Variants in ADCY1 observed in about 807,000 individuals in gnomAD.
The protein encoded by ADCY1 is adenylate cyclase 1, also known as adenylate cyclase type 1.
Under a neutral mutation model 105.4 loss-of-function variants are expected in ADCY1, and 28 were observed. The observed-to-expected ratio is 0.27, with a 90% CI of 0.20 to 0.36. ADCY1 has a LOEUF of 0.36. Among genes scored for constraint, ADCY1 ranks in the 10% least tolerant of loss-of-function variants. The pLI is 1.00. For synonymous variants in ADCY1, 655 were observed against 623.8 expected, an observed-to-expected ratio of 1.05 and a Z score of -0.75; for missense variants, 977 against 1,434.2, an observed-to-expected ratio of 0.68 and a Z score of 5.15.
In ADCY1 at chr7:45,686,300, G is replaced by C. The variant is rs1584331397; in HGVS notation, c.2327+85G>C. On this transcript the variant is annotated intron_variant, in intron 13 of 19. Coordinates refer to ENST00000297323, the MANE Select transcript of ADCY1 (RefSeq NM_021116.4). The surrounding 1 kb of genome is among the most constrained non-coding windows in gnomAD (Gnocchi z 4.3). ...ACAGATATGCACTACAGGCTTCTGA[G>C]TCCAGAACTAGTCAAGTTGAATTGT... 3.3e-6 allele frequency: 5 copies of C among 1,521,844 alleles called. No homozygotes were observed. The East Asian group carries it at 1.1e-4, about 35-fold the overall frequency. The allele number at this position is 1,521,844 out of a possible 1,614,324, so 94.3% of individuals were successfully genotyped here. A position where few individuals can be genotyped will look rare whatever the true frequency, so the allele number is the denominator to read the frequency against.
At chr7:45,655,241 C>T (rs1329510423) in intron 5 of ADCY1, among the ~76,000 whole-genome samples, 1 of 152,212 alleles carries the variant, frequency 6.6e-6, no homozygotes, top group Non-Finnish European at 1.5e-5. Context: ...GCCAAGGGGC[C>T]AACAGTGGCC....
At chr7:45,578,674 G>T (rs145709267) in intron 1 of ADCY1, among the ~76,000 whole-genome samples, 3 of 152,298 alleles carry the variant, frequency 2.0e-5, no homozygotes, top group Non-Finnish European at 4.4e-5. Context: ...GGGGGGCCTG[G>T]GCAGGGCCCC....
chr7:45,622,826 G>T, intron 4 of ADCY1, 83 bp downstream of exon 4: 1 of 1,124,732 alleles, frequency 8.9e-7, no homozygotes. Context: ...CCCTGTATTT[G>T]GACCATGAAC....
chr7:45,635,361 A>G (rs1794372875), intron 4 of ADCY1, among the ~76,000 whole-genome samples: 1 of 150,994 alleles, frequency 6.6e-6, no homozygotes, highest in South Asian at 2.1e-4. Flanking sequence ...TTTTCTATTT[A>G]GTTTCTTTTC....
chr7:45,611,056 TGAG>T (rs1273174751), intron 3 of ADCY1, among the ~76,000 whole-genome samples: 23 of 149,064 alleles, frequency 1.5e-4, no homozygotes, highest in African/African-American at 5.5e-4. Flanking sequence ...ATGATGGAAG[TGAG>T]GAGGTGATAG....
intron 2 of ADCY1, among the ~76,000 whole-genome samples, chr7:45,605,648 C>T (rs1793354015): frequency 6.6e-6 from 1 of 152,124 alleles, no homozygotes; most frequent in South Asian, 2.1e-4. Flanking sequence ...CTGGATTAAA[C>T]CCCATGTGTT....
rs1792326038 is a variant in ADCY1, at chr7:45,575,809, C to A, written c.639+627C>A. Among the ~76,000 whole-genome samples the A allele has an allele frequency of 6.6e-6, 1 of 152,254 alleles. No individual in the cohort carries two copies. The highest frequency in any genetic ancestry group is 1.5e-5 in the Non-Finnish European group (1 of 68,048). ...CCTGCCGCTGCCACTCGGCGGTTGC[C>A]CTGACCCTGCCTTTTCTGCGCCCGA... is the stretch of plus-strand genomic sequence containing the variant. On this transcript the variant is annotated intron_variant, in intron 1 of 19. Transcript: ENST00000297323. This position sits in a 1 kb window ranked among gnomAD's most constrained non-coding sequence, Gnocchi z 4.7.
chr7:45,620,060 A>G (rs1793849440), intron 3 of ADCY1, among the ~76,000 whole-genome samples: 1 of 152,260 alleles, frequency 6.6e-6, no homozygotes, highest in Admixed American at 6.5e-5. Flanking sequence ...AATGCTGTTA[A>G]GCCTTAAAAA....
chr7:45,583,003 A>G (rs1326443292), intron 1 of ADCY1, among the ~76,000 whole-genome samples: 7 of 152,168 alleles, frequency 4.6e-5, no homozygotes, highest in Non-Finnish European at 1.0e-4. Context: ...CTCTGCCTTC[A>G]GTTTGGGTTG....
At chr7:45,699,940 C>T (rs754799096) in intron 14 of ADCY1, among the ~76,000 whole-genome samples, 4 of 152,168 alleles carry the variant, frequency 2.6e-5, no homozygotes, top group Non-Finnish European at 5.9e-5. Flanking sequence ...CTGTGAAGTC[C>T]AGGCTGGCCA....
intron 4 of ADCY1, among the ~76,000 whole-genome samples, chr7:45,630,459 G>C (rs972681535): frequency 6.6e-6 from 1 of 152,132 alleles, no homozygotes; most frequent in African/African-American, 2.4e-5. Flanking sequence ...AATCAGTATT[G>C]CTTGGCCAAA....
chr7:45,637,650 A>G (rs912513839), intron 4 of ADCY1, among the ~76,000 whole-genome samples: 1 of 152,212 alleles, frequency 6.6e-6, no homozygotes, highest in Non-Finnish European at 1.5e-5. Flanking sequence ...GCTTGAGCCC[A>G]GGAGTTTGAG....
intron 7 of ADCY1, among the ~76,000 whole-genome samples, chr7:45,661,469 A>G (rs1448884535): frequency 6.6e-6 from 1 of 152,094 alleles, no homozygotes; most frequent in Non-Finnish European, 1.5e-5. Flanking sequence ...CAGGCCGGCC[A>G]GCAGGAACGA....
At chr7:45,644,737 T>C (rs1174806525) in intron 4 of ADCY1, among the ~76,000 whole-genome samples, 2 of 152,214 alleles carry the variant, frequency 1.3e-5, no homozygotes, top group East Asian at 3.8e-4. Context: ...GGACTCTAGG[T>C]GCTGACTTTC....
chr7:45,587,631 A>G (rs565898618), intron 1 of ADCY1, among the ~76,000 whole-genome samples: 29 of 152,116 alleles, frequency 1.9e-4, no homozygotes, highest in Non-Finnish European at 3.7e-4. Context: ...TCCAAGGACT[A>G]TGGGACGTCT....
At chr7:45,589,120 A>G (rs965328495) in intron 1 of ADCY1, among the ~76,000 whole-genome samples, 4 of 152,204 alleles carry the variant, frequency 2.6e-5, no homozygotes, top group Admixed American at 2.0e-4. Context: ...AGGCAGGGCT[A>G]TGGCAGGGTC....
chr7:45,686,287 T>C lies in ADCY1; in HGVS notation c.2327+72T>C, dbSNP rs1464488181. The C allele has an allele frequency of 4.5e-6, 7 of 1,542,894 alleles. No individual in the cohort carries two copies. The Middle Eastern group carries it at 8.7e-4, about 192-fold the overall frequency. ...TGAATCTGTGTATACAGATATGCAC[T>C]ACAGGCTTCTGAGTCCAGAACTAGT... is the stretch of plus-strand genomic sequence containing the variant. On this transcript the variant is annotated intron_variant, in intron 13 of 19. Coordinates refer to ENST00000297323, the MANE Select transcript of ADCY1 (RefSeq NM_021116.4). The surrounding 1 kb of genome is among the most constrained non-coding windows in gnomAD (Gnocchi z 4.3).
rs1457432754 is a variant in ADCY1, at chr7:45,575,549, G to T, written c.639+367G>T. Among the ~76,000 whole-genome samples the T allele has an allele frequency of 6.6e-6, 1 of 152,266 alleles. No homozygotes were observed. The highest frequency in any genetic ancestry group is 6.5e-5 in the Admixed American group (1 of 15,294). ...CCCCACAGAGGGACTGAAAGTGGGC[G>T]AGGAGAGCAGACCCCCAGGGCAAGC... is the stretch of plus-strand genomic sequence containing the variant. On this transcript the variant is annotated intron_variant, in intron 1 of 19. Coordinates refer to ENST00000297323, the MANE Select transcript of ADCY1 (RefSeq NM_021116.4). This position sits in a 1 kb window ranked among gnomAD's most constrained non-coding sequence, Gnocchi z 4.7.
rs78680195 is a variant in ADCY1 at position 45,647,217 on chromosome 7, C to T, written c.1021-1453C>T. ...CTGGGAAGATACTTCCATGGACAGG[C>T]CATTCAGCTGCTAGGCCAATCCCTG... is the stretch of plus-strand genomic sequence containing the variant. On this transcript the variant is annotated intron_variant, in intron 4 of 19. Coordinates refer to ENST00000297323, the MANE Select transcript of ADCY1 (RefSeq NM_021116.4). The surrounding 1 kb of genome is among the most constrained non-coding windows in gnomAD (Gnocchi z 4.6). Among the ~76,000 whole-genome samples, 400 of 152,324 alleles carry T rather than the reference C, an allele frequency of 2.6e-3. No homozygotes were observed. Among genetic ancestry groups the T allele is most frequent in the Non-Finnish European group, 4.0e-3 (271 of 68,032 alleles).
Sources: allele counts gnomAD v4.1 joint callset (sites outside exome capture counted in the v4.1 genomes callset), GRCh38; gene constraint gnomAD v4.1.1; non-coding constraint Gnocchi (gnomAD v3.1); transcripts MANE v1.5; gene names NCBI Gene and HGNC (gene_info 2026-07-23, HGNC 2026-07-21).